OR5H14: variants seen among roughly 807,000 people sequenced by gnomAD.
OR5H14 encodes olfactory receptor family 5 subfamily H member 14, also known as olfactory receptor 5H14.
For missense variants in OR5H14, 392 were observed against 363.9 expected, an observed-to-expected ratio of 1.08 and a Z score of -0.63; for synonymous variants, 155 against 130.6, an observed-to-expected ratio of 1.19 and a Z score of -1.28.
chr3:98,151,507 C>T lies in OR5H14; in HGVS notation c.*1189C>T, dbSNP rs1281430197. 3 of 151,996 alleles carry T rather than the reference C, an allele frequency of 2.0e-5. No homozygotes were observed. Among genetic ancestry groups the T allele is most frequent in the Non-Finnish European group, 2.9e-5 (2 of 67,982 alleles). 9.4% of individuals were successfully genotyped at this position (151,996 alleles called of 1,614,324 possible). The stretch of plus-strand genomic sequence containing the variant: ...CATTACTCACATATCGTTTTGCAAA[C>T]CTCTAGTTATTTCCTCCACCCTTCT... On this transcript the variant is annotated 3_prime_UTR_variant, in exon 2 of 2. Transcript: ENST00000641380.
Position 98,152,635 on chromosome 3 carries a change from A to C in OR5H14, c.*2317A>C, listed in dbSNP as rs2107319595. On this transcript the variant is annotated 3_prime_UTR_variant, in exon 2 of 2. Transcript: ENST00000641380. ...GGACACAGGGAGGGGAACATCACAA[A>C]CTGGAGCCTGTCAGGGGGTGGAGGG... 6.6e-6 allele frequency: 1 copy of C among 152,188 alleles called. No individual in the cohort carries two copies. The highest frequency in any genetic ancestry group is 1.9e-4 in the East Asian group (1 of 5,168). The allele number at this position is 152,188 out of a possible 1,614,324, so 9.4% of individuals were successfully genotyped here.
Position 98,150,124 on chromosome 3 carries a change from T to C in OR5H14, c.739T>C (p.Ser247Pro), listed in dbSNP as rs776232254. Reference sequence around the variant, plus strand: ...CTCCACCTGTGGAGCTCATCTCTTATCTGTATCTTTATACTATGGGCCCCT... The same window carrying C: ...CTCCACCTGTGGAGCTCATCTCTTACCTGTATCTTTATACTATGGGCCCCT... Reference protein sequence around the residue: ...AFSTCGAHLLSVSLYYGPLAF... With the variant: ...AFSTCGAHLLPVSLYYGPLAF... Residue 247 changes from serine to proline, a missense_variant, in exon 2 of 2, where the codon TCT becomes CCT. Ser to Pro is a moderately conservative substitution (Grantham distance 74). Transcript: ENST00000641380. 1.5e-5 allele frequency: 24 copies of C among 1,610,654 alleles called. No individual in the cohort carries two copies. The East Asian group carries it at 4.2e-4, about 28-fold the overall frequency.
Position 98,149,806 on chromosome 3 carries a change from T to C in OR5H14, c.421T>C (p.Cys141Arg). The C allele has an allele frequency of 6.2e-7, 1 of 1,612,788 alleles. No individual in the cohort carries two copies. Among genetic ancestry groups the C allele is most frequent in the South Asian group, 1.1e-5 (1 of 91,074 alleles). ...TCCAGCCATTATGACCAATGGACTG[T>C]GCATCCGGCTATTAATCTTGTCATA... Reference protein sequence around the residue: ...LYPAIMTNGLCIRLLILSYVG... With the variant: ...LYPAIMTNGLRIRLLILSYVG... The change falls in exon 2 of 2, where the codon TGC becomes CGC. Residue 141 changes from cysteine to arginine, a missense_variant. Physicochemically the swap from Cys to Arg is radical, Grantham distance 180 (BLOSUM62 -3). Coordinates refer to ENST00000641380, the MANE Select transcript of OR5H14 (RefSeq NM_001005514.2).
rs1050115703 is a variant in OR5H14, at chr3:98,152,821, A to G, written c.*2503A>G. On this transcript the variant is annotated 3_prime_UTR_variant, in exon 2 of 2. Transcript: ENST00000641380. Reference sequence around the variant, plus strand: ...TAAAGTATAAAGAAGAAAAAAGTTAACATTTTCTTTACCATTTACTATGAG... The same window carrying G: ...TAAAGTATAAAGAAGAAAAAAGTTAGCATTTTCTTTACCATTTACTATGAG... 1 of 152,146 alleles carries G rather than the reference A, an allele frequency of 6.6e-6. No individual in the cohort carries two copies. The highest frequency in any genetic ancestry group is 2.4e-5 in the African/African-American group (1 of 41,440). 9.4% of individuals were successfully genotyped at this position (152,146 alleles called of 1,614,324 possible).
intron 1 of OR5H14, 162 bp from the exon 2 acceptor site, chr3:98,149,205 AT>A (rs533657503): frequency 7.7e-6 from 6 of 783,966 alleles, no homozygotes; most frequent in African/African-American, 3.5e-5. Flanking sequence ...AAAATATGAC[AT>A]TTTTTTCATT....
rs58258612 is a variant in OR5H14, at chr3:98,150,367, G to A, written c.*49G>A. ...ATTTACTAAAATGTCACAAAATTGT[G>A]CAAATTAGAGGTACCTATGTTTTTG... On this transcript the variant is annotated 3_prime_UTR_variant, in exon 2 of 2. Transcript: ENST00000641380. The A allele has an allele frequency of 6.4e-3, 8,259 of 1,286,062 alleles. 319 individuals are homozygous for A. In the African/African-American group the frequency reaches 0.095, roughly 15 times the overall value. 79.7% of individuals were successfully genotyped at this position (1,286,062 alleles called of 1,614,324 possible).
chr3:98,149,231 T>C (rs1026244388), intron 1 of OR5H14, 137 bp from the exon 2 acceptor site: 14 of 952,654 alleles, frequency 1.5e-5, no homozygotes, highest in East Asian at 5.2e-5. Flanking sequence ...TAACCCCTTA[T>C]AGGATTTCTT....
At position 98,155,973 on chromosome 3, in the gene OR5H14, A is replaced by G. The variant is rs1231598934; in HGVS notation, c.*5655A>G. 1 of 152,186 alleles carries G rather than the reference A, an allele frequency of 6.6e-6. No individual in the cohort carries two copies. The highest frequency in any genetic ancestry group is 1.5e-5 in the Non-Finnish European group (1 of 68,024). 9.4% of individuals were successfully genotyped at this position (152,186 alleles called of 1,614,324 possible). ...TTTCTTATACACATCTAAATCCACA[A>G]TGCCCAGTTGAAGATCTTCACTTTG... On this transcript the variant is annotated 3_prime_UTR_variant, in exon 2 of 2. Coordinates refer to ENST00000641380, the MANE Select transcript of OR5H14 (RefSeq NM_001005514.2).
At position 98,150,262 on chromosome 3, in the gene OR5H14, A is replaced by G; in HGVS notation, c.877A>G (p.Arg293Gly). ...ATTAAATCCCATGATCTACAGCCTG[A>G]GAAACAAGCAAGTAATAGCTTCATT... ...PLLNPMIYSL[R>G]NKQVIASFTK... Residue 293 changes from arginine to glycine, a missense_variant, in exon 2 of 2, where the codon AGA (arginine) becomes GGA (glycine). Coordinates refer to ENST00000641380, the MANE Select transcript of OR5H14 (RefSeq NM_001005514.2). 1.2e-6 allele frequency: 2 copies of G among 1,602,364 alleles called. No homozygotes were observed. The highest frequency in any genetic ancestry group is 1.7e-6 in the Non-Finnish European group (2 of 1,175,972).
intron 1 of OR5H14, 114 bp from the exon 2 acceptor site, chr3:98,149,254 G>T: frequency 1.8e-6 from 2 of 1,086,788 alleles, no homozygotes; most frequent in South Asian, 1.6e-5. Context: ...TTATAATAAT[G>T]ATCAAAAAAT....
At chr3:98,149,045 C>G (rs1708460129) in intron 1 of OR5H14, among the ~76,000 whole-genome samples, 1 of 152,006 alleles carries the variant, frequency 6.6e-6, no homozygotes, top group Admixed American at 6.6e-5. Context: ...TTTATTTCAT[C>G]TGGATATTCA....
In OR5H14 at chr3:98,149,560, A is replaced by G. The variant is rs112084609; in HGVS notation, c.175A>G (p.Met59Val). Reference sequence around the variant, plus strand: ...GAAAGACCCTCATCTTCATATCCCAATGTACTTACTCCTTGGGAATTTAGC... The same window carrying G: ...GAAAGACCCTCATCTTCATATCCCAGTGTACTTACTCCTTGGGAATTTAGC... ...IWKDPHLHIP[M>V]YLLLGNLAFV... Residue 59 changes from methionine (M) to valine (V), a missense_variant, in exon 2 of 2, where the codon ATG (methionine) becomes GTG (valine). Coordinates refer to ENST00000641380, the MANE Select transcript of OR5H14 (RefSeq NM_001005514.2). The G allele has an allele frequency of 8.6e-3, 13,805 of 1,613,486 alleles. 110 individuals carry two copies. The highest frequency in any genetic ancestry group is 0.01 in the Non-Finnish European group (12,365 of 1,179,584).
chr3:98,148,358 T>G (rs1384864499), intron 1 of OR5H14, among the ~76,000 whole-genome samples: 1 of 152,060 alleles, frequency 6.6e-6, no homozygotes, highest in Non-Finnish European at 1.5e-5. Flanking sequence ...TTTTTGTTTC[T>G]TTGTTACTCT....
intron 1 of OR5H14, 190 bp from the exon 2 acceptor site, chr3:98,149,178 T>C (rs1415511115): frequency 2.2e-5 from 14 of 649,708 alleles, no homozygotes; most frequent in Admixed American, 9.3e-5. Flanking sequence ...TGCATATTAC[T>C]ACCAAATTTT....
chr3:98,154,200 A>AT lies in OR5H14; in HGVS notation c.*3887dup, dbSNP rs1432689784. 1 of 152,128 alleles carries AT rather than the reference A, an allele frequency of 6.6e-6. No individual in the cohort carries two copies. The highest frequency in any genetic ancestry group is 6.6e-5 in the Admixed American group (1 of 15,260). 9.4% of individuals were successfully genotyped at this position (152,128 alleles called of 1,614,324 possible). A position where few individuals can be genotyped will look rare whatever the true frequency, so the allele number is the denominator to read the frequency against. On this transcript the variant is annotated 3_prime_UTR_variant, in exon 2 of 2. Coordinates refer to ENST00000641380, the MANE Select transcript of OR5H14 (RefSeq NM_001005514.2). ...ATAAGATTACATGTCAGACCAGTGGATTTTTGAGGAAATACTTTGTGAATG... is the reference window on the plus strand; with the variant it reads ...ATAAGATTACATGTCAGACCAGTGGATTTTTTGAGGAAATACTTTGTGAATG...
Position 98,151,118 on chromosome 3 carries a change from G to T in OR5H14, c.*800G>T, listed in dbSNP as rs751405353. 6.6e-6 allele frequency: 1 copy of T among 152,094 alleles called. No individual in the cohort carries two copies. Among genetic ancestry groups the T allele is most frequent in the Non-Finnish European group, 1.5e-5 (1 of 68,008 alleles). The allele number at this position is 152,094 out of a possible 1,614,324, so 9.4% of individuals were successfully genotyped here. A position where few individuals can be genotyped will look rare whatever the true frequency, so the allele number is the denominator to read the frequency against. On this transcript the variant is annotated 3_prime_UTR_variant, in exon 2 of 2. Coordinates refer to ENST00000641380, the MANE Select transcript of OR5H14 (RefSeq NM_001005514.2). ...TAGAAAAGAAAAGATAAATGGCATA[G>T]TGGGAAGAAAATGGTCTTAATCTTC...
chr3:98,150,169 T>C lies in OR5H14; in HGVS notation c.784T>C (p.Ser262Pro). 1 of 1,612,750 alleles carries C rather than the reference T, an allele frequency of 6.2e-7. No homozygotes were observed. Residue 262 changes from serine to proline, a missense_variant, in exon 2 of 2, where the codon TCT (serine) becomes CCT (proline). By Grantham distance (74) the Ser-to-Pro change is moderately conservative (BLOSUM62 -1). Coordinates refer to ENST00000641380, the MANE Select transcript of OR5H14 (RefSeq NM_001005514.2). ...GCCCCTCGCCTTCATGTATATGGGC[T>C]CTGCATCCCCACAGGCTGATGACCA... Reference protein sequence around the residue: ...YGPLAFMYMGSASPQADDQDM... With the variant: ...YGPLAFMYMGPASPQADDQDM...
rs776769745 is a variant in OR5H14, at chr3:98,150,318, G to A, written c.933G>A (p.Ter311=). 3.3e-6 allele frequency: 5 copies of A among 1,528,116 alleles called. No individual in the cohort carries two copies. The African/African-American group carries it at 5.6e-5, about 17-fold the overall frequency. The allele number at this position is 1,528,116 out of a possible 1,614,324, so 94.7% of individuals were successfully genotyped here. ...AAATGTTCAAAAGAAATGATGTTTA[G>A]ATCATTACTAATATCTCTTTTCTAT... ...FTKMFKRNDV[*] The change falls in exon 2 of 2, where the codon TAG becomes TAA. Residue 311 remains the stop codon, a stop_retained_variant. Transcript: ENST00000641380.
intron 1 of OR5H14, 36 bp from the exon 2 acceptor site, chr3:98,149,332 C>T: frequency 6.3e-7 from 1 of 1,593,462 alleles, no homozygotes; most frequent in Non-Finnish European, 8.6e-7. Flanking sequence ...AATGTCATTG[C>T]AGATGTTCCC....
Sources: gnomAD v4.1 joint callset for allele counts (sites outside exome capture counted in the v4.1 genomes callset) on GRCh38, gnomAD v4.1.1 for gene constraint, MANE v1.5 for transcripts, NCBI Gene and HGNC (gene_info 2026-07-23, HGNC 2026-07-21) for gene names.